The following CRYL1 variants were observed in gnomAD, a reference collection of about 807,000 sequenced individuals.
CRYL1 encodes lambda-crystallin homolog.
A neutral mutation model predicts 36.6 loss-of-function variants in CRYL1; 29 were observed. The ratio of observed to expected loss-of-function variants is 0.79; its 90% CI spans 0.59 to 1.08. The LOEUF is 1.08. CRYL1 is among the 50% of genes least tolerant of loss of function. CRYL1 has a pLI of 0.00. For missense variants in CRYL1, 411 were observed against 407.9 expected (o/e 1.01, Z -0.06); for synonymous variants, 152 against 151.5 (o/e 1.00, Z -0.02).
In CRYL1 at chr13:20,415,133, C is replaced by A. The variant is rs2031625518; in HGVS notation, c.634-1746G>T. The stretch of plus-strand genomic sequence containing the variant: ...CGGGGCACCTCCCCTCGCCCGCACC[C>A]GGCCCCAGTCCCTCCCAGGCTTGCG... On this transcript the variant is annotated intron_variant, in intron 5 of 7. Coordinates refer to ENST00000298248, the MANE Select transcript of CRYL1 (RefSeq NM_015974.3). This position sits in a 1 kb window ranked among gnomAD's most constrained non-coding sequence, Gnocchi z 4.1. 6.6e-6 allele frequency among the ~76,000 whole-genome samples: 1 copy of A among 152,204 alleles called. No individual in the cohort carries two copies. The highest frequency in any genetic ancestry group is 2.4e-5 in the African/African-American group (1 of 41,464).
rs182167592 is a variant in CRYL1, at chr13:20,423,819, G to A, written c.633+8283C>T. On this transcript the variant is annotated intron_variant, in intron 5 of 7. Transcript: ENST00000298248. ...AGAGTCTTGCTCTGTCACCCAGGCT[G>A]GAGTGCAGTGGTGTGATCTTGGCTC... Among the ~76,000 whole-genome samples, 35 of 142,306 alleles carry A rather than the reference G, an allele frequency of 2.5e-4. No homozygotes were observed. In the Middle Eastern group the frequency reaches 0.015, roughly 60 times the overall value. The allele number at this position is 142,306 out of a possible 152,430, so 93.4% of individuals were successfully genotyped here.
intron 1 of CRYL1, among the ~76,000 whole-genome samples, chr13:20,513,923 A>C (rs2033957147): frequency 1.3e-5 from 2 of 151,904 alleles, no homozygotes; most frequent in East Asian, 1.9e-4. Context: ...AAAAAAAAAA[A>C]AAAAAACGCA....
At chr13:20,408,306 C>T (rs1020763628) in intron 6 of CRYL1, among the ~76,000 whole-genome samples, 9 of 152,158 alleles carry the variant, frequency 5.9e-5, no homozygotes, top group Non-Finnish European at 1.0e-4. Context: ...AACCCACCAG[C>T]CACCAGGCAT....
At chr13:20,494,476 C>A (rs2033570030) in intron 2 of CRYL1, among the ~76,000 whole-genome samples, 1 of 152,316 alleles carries the variant, frequency 6.6e-6, no homozygotes, top group South Asian at 2.1e-4. Flanking sequence ...CTCACCCAAC[C>A]ATCTTTCCAC....
chr13:20,454,621 G>A (rs1046722395), intron 3 of CRYL1, among the ~76,000 whole-genome samples: 8 of 152,016 alleles, frequency 5.3e-5, no homozygotes, highest in Non-Finnish European at 7.4e-5. Context: ...GGGTTTCACC[G>A]TGTTCGCCAG....
At chr13:20,430,843 A>G (rs1389242272) in intron 5 of CRYL1, 2 of 985,160 alleles carry the variant, frequency 2.0e-6, no homozygotes, top group Non-Finnish European at 2.4e-6. Flanking sequence ...ACAAATGGAA[A>G]TATTTTAAAT....
chr13:20,429,966 G>A (rs2032019467), intron 5 of CRYL1, among the ~76,000 whole-genome samples: 1 of 152,134 alleles, frequency 6.6e-6, no homozygotes, highest in Non-Finnish European at 1.5e-5. Context: ...GAGCGGTGAT[G>A]GTCAAGGTCA....
At chr13:20,519,283 G>A (rs763722718) in intron 1 of CRYL1, among the ~76,000 whole-genome samples, 39 of 152,146 alleles carry the variant, frequency 2.6e-4, no homozygotes, top group Admixed American at 6.5e-4. Flanking sequence ...TGCATCAAAC[G>A]CTGCTGATGA....
rs2034177991 is a variant in CRYL1, at chr13:20,525,658, G to T, written c.41+96C>A. On this transcript the variant is annotated intron_variant, in intron 1 of 7. Coordinates refer to ENST00000298248, the MANE Select transcript of CRYL1 (RefSeq NM_015974.3). This position sits in a 1 kb window ranked among gnomAD's most constrained non-coding sequence, Gnocchi z 4.3. ...GACCGGAGGCCGGGGCGGGGACAGC[G>T]ACCCGGCGCCCACCCCGAGGGCCCC... The T allele has an allele frequency of 6.7e-6, 7 of 1,047,176 alleles. No individual in the cohort carries two copies. The highest frequency in any genetic ancestry group is 6.5e-5 in the South Asian group (2 of 30,848). The allele number at this position is 1,047,176 out of a possible 1,614,324, so 64.9% of individuals were successfully genotyped here. A position where few individuals can be genotyped will look rare whatever the true frequency, so the allele number is the denominator to read the frequency against.
At chr13:20,487,436 T>C (rs187877860) in intron 3 of CRYL1, among the ~76,000 whole-genome samples, 1 of 152,130 alleles carries the variant, frequency 6.6e-6, no homozygotes, top group Non-Finnish European at 1.5e-5. Flanking sequence ...GGTAACATGG[T>C]CTGGGAACTC....
chr13:20,417,565 T>C, intron 5 of CRYL1, among the ~76,000 whole-genome samples: 1 of 152,202 alleles, frequency 6.6e-6, no homozygotes, highest in East Asian at 1.9e-4. Context: ...AAGCAATGAA[T>C]ACTACAATCA....
At chr13:20,448,204 C>A (rs1197410817) in intron 3 of CRYL1, among the ~76,000 whole-genome samples, 1 of 152,108 alleles carries the variant, frequency 6.6e-6, no homozygotes, top group Non-Finnish European at 1.5e-5. Flanking sequence ...AGGAAAGAAT[C>A]TTTGAACTTA....
intron 3 of CRYL1, among the ~76,000 whole-genome samples, chr13:20,484,577 CA>C (rs1455001997): frequency 6.6e-6 from 1 of 152,094 alleles, no homozygotes; most frequent in African/African-American, 2.4e-5. Flanking sequence ...GAGGCTGAGG[CA>C]CGATAATCGC....
intron 3 of CRYL1, among the ~76,000 whole-genome samples, chr13:20,471,820 C>T (rs1323953012): frequency 6.6e-6 from 1 of 150,688 alleles, no homozygotes; most frequent in Non-Finnish European, 1.5e-5. Flanking sequence ...TCTTTCTTTC[C>T]CTCTCTCTCT....
intron 1 of CRYL1, among the ~76,000 whole-genome samples, chr13:20,514,430 C>G (rs2033966837): frequency 6.6e-6 from 1 of 152,188 alleles, no homozygotes; most frequent in Non-Finnish European, 1.5e-5. Flanking sequence ...GGACATTCTA[C>G]AAACTACTTG....
Position 20,501,425 on chromosome 13 carries a change from C to T in CRYL1, c.149+11018G>A, listed in dbSNP as rs141798418. The stretch of plus-strand genomic sequence containing the variant: ...CACTGTGCTGCCTGCTTTCTATCTA[C>T]AGTATGACTCCATGTATAATGCAGC... On this transcript the variant is annotated intron_variant, in intron 2 of 7. Coordinates refer to ENST00000298248, the MANE Select transcript of CRYL1 (RefSeq NM_015974.3). Among the ~76,000 whole-genome samples, 136 of 152,320 alleles carry T rather than the reference C, an allele frequency of 8.9e-4. 3 individuals are homozygous for T. In the East Asian group the frequency reaches 0.025, roughly 29 times the overall value.
At position 20,420,836 on chromosome 13, in the gene CRYL1, A is replaced by G. The variant is rs553948404; in HGVS notation, c.634-7449T>C. 1.5e-4 allele frequency among the ~76,000 whole-genome samples: 23 copies of G among 151,134 alleles called. No homozygotes were observed. In the East Asian group the frequency reaches 4.3e-3, roughly 28 times the overall value. On this transcript the variant is annotated intron_variant, in intron 5 of 7. Coordinates refer to ENST00000298248, the MANE Select transcript of CRYL1 (RefSeq NM_015974.3). ...CTGCGACCTCCGCCTCCTGGGTTCA[A>G]GCGATTCTCCTGCCTCAGCCTCCCA...
At chr13:20,517,898 T>G (rs1200258707) in intron 1 of CRYL1, among the ~76,000 whole-genome samples, 1 of 129,358 alleles carries the variant, frequency 7.7e-6, no homozygotes, top group Non-Finnish European at 1.5e-5. Context: ...ATCACACCAC[T>G]GCACTCCAGC....
intron 2 of CRYL1, 120 bp from the exon 3 acceptor site, chr13:20,489,616 C>T (rs926414271): frequency 8.2e-7 from 1 of 1,215,854 alleles, no homozygotes. Context: ...GATACCACCT[C>T]ACACCCATTA....
Sources: gnomAD v4.1 joint callset for allele counts (sites outside exome capture counted in the v4.1 genomes callset) on GRCh38, gnomAD v4.1.1 for gene constraint, Gnocchi (gnomAD v3.1) non-coding constraint, MANE v1.5 for transcripts, NCBI Gene and HGNC (gene_info 2026-07-23, HGNC 2026-07-21) for gene names.